FAM170B: variants seen among roughly 807,000 people sequenced by gnomAD.
FAM170B encodes protein FAM170B.
FAM170B carries 4 observed loss-of-function variants against 3.9 expected under a neutral mutation model. The ratio of observed to expected loss-of-function variants is 1.01; its 90% CI spans 0.50 to 2.32. The LOEUF is 2.32. Ranked by LOEUF, FAM170B falls within the 30% of genes most tolerant of loss-of-function variation. FAM170B has a pLI of 0.02. For synonymous variants in FAM170B, 163 were observed against 149.8 expected (o/e 1.09, Z -0.64); for missense variants, 417 against 368.6 (o/e 1.13, Z -1.07).
rs1160591649 is a variant in FAM170B at position 49,131,480 on chromosome 10, T to TAC, written c.*131_*132dup. On this transcript the variant is annotated 3_prime_UTR_variant, in exon 2 of 2. Coordinates refer to ENST00000311787, the MANE Select transcript of FAM170B (RefSeq NM_001164484.2). The stretch of plus-strand genomic sequence containing the variant: ...TCCAGTCTCCTGGCCCTCCTTGCTC[T>TAC]ACACTCCATGCCTTTCCTTCCCCCT... 3.0e-6 allele frequency: 4 copies of TAC among 1,322,150 alleles called. No homozygotes were observed. The highest frequency in any genetic ancestry group is 4.0e-6 in the Non-Finnish European group (4 of 996,140). The allele number at this position is 1,322,150 out of a possible 1,614,324, so 81.9% of individuals were successfully genotyped here.
chr10:49,133,025 A>G lies in FAM170B; in HGVS notation c.113-673T>C, dbSNP rs551934598. ...GGGGTTTTGAAAAATCTTCTTTATCATGACTGTGTTGGTGGTTCCACAAAT... is the reference window on the plus strand; with the variant it reads ...GGGGTTTTGAAAAATCTTCTTTATCGTGACTGTGTTGGTGGTTCCACAAAT... On this transcript the variant is annotated intron_variant, in intron 1 of 1. Coordinates refer to ENST00000311787, the MANE Select transcript of FAM170B (RefSeq NM_001164484.2). Among the ~76,000 whole-genome samples, 5 of 152,282 alleles carry G rather than the reference A, an allele frequency of 3.3e-5. No individual in the cohort carries two copies. In the East Asian group the frequency reaches 9.6e-4, roughly 29 times the overall value.
At chr10:49,132,379 A>G in intron 1 of FAM170B, 27 bp from the exon 2 acceptor site, 1 of 1,504,264 alleles carries the variant, frequency 6.6e-7, no homozygotes, top group East Asian at 2.5e-5. Flanking sequence ...CATTGTCATC[A>G]GTGCCCTTTA....
chr10:49,132,769 C>T lies in FAM170B; in HGVS notation c.113-417G>A, dbSNP rs138858496. 1.5e-4 allele frequency among the ~76,000 whole-genome samples: 22 copies of T among 150,192 alleles called. No individual in the cohort carries two copies. The East Asian group carries it at 3.3e-3, about 23-fold the overall frequency. On this transcript the variant is annotated intron_variant, in intron 1 of 1. Coordinates refer to ENST00000311787, the MANE Select transcript of FAM170B (RefSeq NM_001164484.2). ...TGAACCACTGAGACGTGCAACAATA[C>T]GGATGAATCCTGAATGCATTATGCT...
In FAM170B at chr10:49,131,815, T is replaced by C. The variant is rs1428257363; in HGVS notation, c.650A>G (p.Asp217Gly). The change falls in exon 2 of 2, where the codon GAC (aspartate) becomes GGC (glycine). Residue 217 changes from aspartate (D) to glycine (G), a missense_variant. Coordinates refer to ENST00000311787, the MANE Select transcript of FAM170B (RefSeq NM_001164484.2). ...ATGCTGGGCGTGCTCCAGCAGAGCG[T>C]CCAGGGAGGGCAAGACCCTGCAGCA... ...VACCRVLPSL[D>G]ALLEHAQHGI... 1.1e-5 allele frequency: 17 copies of C among 1,548,668 alleles called. No individual in the cohort carries two copies. Among genetic ancestry groups the C allele is most frequent in the Middle Eastern group, 1.7e-4 (1 of 5,992 alleles).
chr10:49,131,814 G>T lies in FAM170B; in HGVS notation c.651C>A (p.Asp217Glu), dbSNP rs752452944. 1 of 1,548,674 alleles carries T rather than the reference G, an allele frequency of 6.5e-7. No individual in the cohort carries two copies. The highest frequency in any genetic ancestry group is 1.4e-5 in the African/African-American group (1 of 73,182). Reference protein sequence around the residue: ...VACCRVLPSLDALLEHAQHGI... With the variant: ...VACCRVLPSLEALLEHAQHGI... The stretch of plus-strand genomic sequence containing the variant: ...CATGCTGGGCGTGCTCCAGCAGAGC[G>T]TCCAGGGAGGGCAAGACCCTGCAGC... The change falls in exon 2 of 2, where the codon GAC becomes GAA. Residue 217 changes from aspartate (D) to glutamate (E), a missense_variant. Coordinates refer to ENST00000311787, the MANE Select transcript of FAM170B (RefSeq NM_001164484.2).
rs866574926 is a variant in FAM170B, at chr10:49,131,858, C to T, written c.607G>A (p.Gly203Arg). 3.2e-6 allele frequency: 5 copies of T among 1,546,368 alleles called. No homozygotes were observed. The highest frequency in any genetic ancestry group is 3.3e-4 in the Middle Eastern group (2 of 5,992). ...PPDWLVTTNY[G>R]VRCVACCRVL... ...CTGCAGCAGGCCACGCAGCGCACCC[C>T]GTAGTTGGTGGTGACCAGCCAGTCC... Residue 203 changes from glycine to arginine, a missense_variant, in exon 2 of 2, where the codon GGG becomes AGG. By Grantham distance (125) the Gly-to-Arg change is moderately radical. Coordinates refer to ENST00000311787, the MANE Select transcript of FAM170B (RefSeq NM_001164484.2).
chr10:49,131,407 A>G lies in FAM170B; in HGVS notation c.*206T>C, dbSNP rs1845179371. The G allele has an allele frequency of 3.1e-6, 2 of 644,514 alleles. No homozygotes were observed. The allele number at this position is 644,514 out of a possible 1,614,324, so 39.9% of individuals were successfully genotyped here. A position where few individuals can be genotyped will look rare whatever the true frequency, so the allele number is the denominator to read the frequency against. On this transcript the variant is annotated 3_prime_UTR_variant, in exon 2 of 2. Transcript: ENST00000311787. ...CAAAGCCCTCTCGTTTGGGTTTTGA[A>G]ATGGACTCTGGTGGAGATGCTGTGC...
Position 49,131,798 on chromosome 10 carries a change from C to T in FAM170B, c.667G>A (p.Ala223Thr), listed in dbSNP as rs1256901590. The change falls in exon 2 of 2, where the codon GCC becomes ACC. Residue 223 changes from alanine (A) to threonine (T), a missense_variant. Transcript: ENST00000311787. ...AAGCCCTCCCGGATGCCATGCTGGGCGTGCTCCAGCAGAGCGTCCAGGGAG... is the reference window on the plus strand; with the variant it reads ...AAGCCCTCCCGGATGCCATGCTGGGTGTGCTCCAGCAGAGCGTCCAGGGAG... Reference protein sequence around the residue: ...LPSLDALLEHAQHGIREGFSC... With the variant: ...LPSLDALLEHTQHGIREGFSC... The T allele has an allele frequency of 1.9e-6, 3 of 1,549,912 alleles. No homozygotes were observed. Among genetic ancestry groups the T allele is most frequent in the Non-Finnish European group, 1.7e-6 (2 of 1,146,980 alleles).
chr10:49,132,074 G>A lies in FAM170B; in HGVS notation c.391C>T (p.Pro131Ser). ...VAWETEAGFE[P>S]VTRKPRIHEA... ...TGGATGCGGGGCTTCCTGGTGACCGGCTCGAAGCCGGCCTCCGTCTCCCAG... is the reference window on the plus strand; with the variant it reads ...TGGATGCGGGGCTTCCTGGTGACCGACTCGAAGCCGGCCTCCGTCTCCCAG... Residue 131 changes from proline to serine, a missense_variant, in exon 2 of 2, where the codon CCG (proline) becomes TCG (serine). Pro to Ser is a moderately conservative substitution (Grantham distance 74, BLOSUM62 -1). Transcript: ENST00000311787. The A allele has an allele frequency of 3.9e-6, 6 of 1,551,654 alleles. No homozygotes were observed. The highest frequency in any genetic ancestry group is 5.2e-6 in the Non-Finnish European group (6 of 1,147,002).
In FAM170B at chr10:49,131,761, ATCTGACAGCTGAAGCCC is replaced by A; in HGVS notation, c.687_703del (p.Glu229AspfsTer4). 1 of 1,551,524 alleles carries A rather than the reference ATCTGACAGCTGAAGCCC, an allele frequency of 6.4e-7. No individual in the cohort carries two copies. The highest frequency in any genetic ancestry group is 8.7e-7 in the Non-Finnish European group (1 of 1,147,006). Reference sequence around the variant, plus strand: ...TCTCTCCAGCATCTCCTCAAAAAAGATCTGACAGCTGAAGCCCTCCCGGATGCCATGCTGGGCGTGCT... The same window carrying A: ...TCTCTCCAGCATCTCCTCAAAAAAGATCCCGGATGCCATGCTGGGCGTGCT... On this transcript the variant is annotated frameshift_variant, in exon 2 of 2. Transcript: ENST00000311787. LOFTEE classifies it low-confidence loss of function (END_TRUNC).
Position 49,131,411 on chromosome 10 carries a change from G to T in FAM170B, c.*202C>A, listed in dbSNP as rs531687666. The T allele has an allele frequency of 1.4e-5, 9 of 656,492 alleles. No homozygotes were observed. The South Asian group carries it at 2.0e-4, about 14-fold the overall frequency. 40.7% of individuals were successfully genotyped at this position (656,492 alleles called of 1,614,324 possible). A position where few individuals can be genotyped will look rare whatever the true frequency, so the allele number is the denominator to read the frequency against. ...GCCCTCTCGTTTGGGTTTTGAAATG[G>T]ACTCTGGTGGAGATGCTGTGCCTAG... On this transcript the variant is annotated 3_prime_UTR_variant, in exon 2 of 2. Coordinates refer to ENST00000311787, the MANE Select transcript of FAM170B (RefSeq NM_001164484.2).
Position 49,131,467 on chromosome 10 carries a change from G to T in FAM170B, c.*146C>A, listed in dbSNP as rs1845180131. On this transcript the variant is annotated 3_prime_UTR_variant, in exon 2 of 2. Transcript: ENST00000311787. ...GAAGGGGGTTCCTTCCAGTCTCCTG[G>T]CCCTCCTTGCTCTACACTCCATGCC... 2 of 1,188,894 alleles carry T rather than the reference G, an allele frequency of 1.7e-6. No homozygotes were observed. Among genetic ancestry groups the T allele is most frequent in the Non-Finnish European group, 1.1e-6 (1 of 880,288 alleles). 73.6% of individuals were successfully genotyped at this position (1,188,894 alleles called of 1,614,324 possible). A position where few individuals can be genotyped will look rare whatever the true frequency, so the allele number is the denominator to read the frequency against.
intron 1 of FAM170B, 117 bp downstream of exon 1, chr10:49,133,690 T>C: frequency 2.6e-6 from 2 of 757,878 alleles, no homozygotes; most frequent in Non-Finnish European, 2.2e-6. Context: ...ATGTTTATGG[T>C]CAACACAACC....
Position 49,131,984 on chromosome 10 carries a change from C to G in FAM170B, c.481G>C (p.Asp161His). Reference sequence around the variant, plus strand: ...CAGGCTTCCAGGTCCCAGCGCATATCGGTGTTGGAAGCCATTTCGAAGGAG... The same window carrying G: ...CAGGCTTCCAGGTCCCAGCGCATATGGGTGTTGGAAGCCATTTCGAAGGAG... Reference protein sequence around the residue: ...GSSFEMASNTDMRWDLEACKS... With the variant: ...GSSFEMASNTHMRWDLEACKS... Residue 161 changes from aspartate (D) to histidine (H), a missense_variant, in exon 2 of 2, where the codon GAT (aspartate) becomes CAT (histidine). Coordinates refer to ENST00000311787, the MANE Select transcript of FAM170B (RefSeq NM_001164484.2). 1 of 1,551,714 alleles carries G rather than the reference C, an allele frequency of 6.4e-7. No individual in the cohort carries two copies. Among genetic ancestry groups the G allele is most frequent in the Non-Finnish European group, 8.7e-7 (1 of 1,147,006 alleles).
Position 49,131,433 on chromosome 10 carries a change from C to A in FAM170B, c.*180G>T. The A allele has an allele frequency of 1.2e-6, 1 of 840,048 alleles. No individual in the cohort carries two copies. The highest frequency in any genetic ancestry group is 1.8e-6 in the Non-Finnish European group (1 of 571,326). 52.0% of individuals were successfully genotyped at this position (840,048 alleles called of 1,614,324 possible). ...ATGGACTCTGGTGGAGATGCTGTGC[C>A]TAGGGCAGGAAGGGGGTTCCTTCCA... On this transcript the variant is annotated 3_prime_UTR_variant, in exon 2 of 2. Coordinates refer to ENST00000311787, the MANE Select transcript of FAM170B (RefSeq NM_001164484.2).
In FAM170B at chr10:49,131,712, A is replaced by G; in HGVS notation, c.753T>C (p.His251=). The change falls in exon 2 of 2, where the codon CAT becomes CAC. Residue 251 remains histidine, a synonymous_variant. Coordinates refer to ENST00000311787, the MANE Select transcript of FAM170B (RefSeq NM_001164484.2). ...LERRRAQGQA[H]DQQLEEEQSP... is the part of the protein sequence containing the mutation. ...TCTGCTCCTCCTCCAGCTGTTGGTC[A>G]TGTGCTTGGCCCTGAGCCCGCCTTC... 2 of 1,551,698 alleles carry G rather than the reference A, an allele frequency of 1.3e-6. No individual in the cohort carries two copies. Among genetic ancestry groups the G allele is most frequent in the South Asian group, 1.2e-5 (1 of 84,060 alleles).
chr10:49,132,235 G>A lies in FAM170B; in HGVS notation c.230C>T (p.Ser77Leu), dbSNP rs757045630. The A allele has an allele frequency of 1.3e-6, 2 of 1,551,544 alleles. No homozygotes were observed. The highest frequency in any genetic ancestry group is 1.7e-6 in the Non-Finnish European group (2 of 1,147,016). Reference protein sequence around the residue: ...GMRDWSSSPSSESSEYQSYSQ... With the variant: ...GMRDWSSSPSLESSEYQSYSQ... ...GTAGGACTGGTACTCGGAGGACTCT[G>A]AGGATGGGGAGCTGCTCCAGTCCCG... is the stretch of plus-strand genomic sequence containing the variant. The change falls in exon 2 of 2, where the codon TCA becomes TTA. Residue 77 changes from serine to leucine, a missense_variant. Ser to Leu is a moderately radical substitution (Grantham distance 145, BLOSUM62 -2). Coordinates refer to ENST00000311787, the MANE Select transcript of FAM170B (RefSeq NM_001164484.2).
Position 49,132,216 on chromosome 10 carries a change from C to T in FAM170B, c.249G>A (p.Gln83=). ...AGCACGACTGGTACTGGGAGTAGGA[C>T]TGGTACTCGGAGGACTCTGAGGATG... ...SSPSSESSEY[Q]SYSQYQSCCS... The change falls in exon 2 of 2, where the codon CAG becomes CAA. Residue 83 remains glutamine, a synonymous_variant. Coordinates refer to ENST00000311787, the MANE Select transcript of FAM170B (RefSeq NM_001164484.2). 6.4e-7 allele frequency: 1 copy of T among 1,551,720 alleles called. No individual in the cohort carries two copies. The highest frequency in any genetic ancestry group is 1.2e-5 in the South Asian group (1 of 84,060).
chr10:49,132,298 T>A lies in FAM170B; in HGVS notation c.167A>T (p.Glu56Val), dbSNP rs1252989820. 2.6e-6 allele frequency: 4 copies of A among 1,551,052 alleles called. No individual in the cohort carries two copies. The highest frequency in any genetic ancestry group is 3.5e-6 in the Non-Finnish European group (4 of 1,146,894). ...SPRPGPAIPR[E>V]EGLYFAARDR... is the part of the protein sequence containing the mutation. ...CCTGGCAGCGAAGTAGAGGCCCTCC[T>A]CCCGGGGAATGGCAGGCCCCGGCCG... Residue 56 changes from glutamate (E) to valine (V), a missense_variant, in exon 2 of 2, where the codon GAG becomes GTG. Transcript: ENST00000311787.
Sources: gnomAD v4.1 joint callset for allele counts (sites outside exome capture counted in the v4.1 genomes callset) on GRCh38, gnomAD v4.1.1 for gene constraint, MANE v1.5 for transcripts, NCBI Gene and HGNC (gene_info 2026-07-23, HGNC 2026-07-21) for gene names.